Variants in RBM41 observed in about 807,000 individuals in gnomAD.
The protein encoded by RBM41 is RNA binding motif protein 41, also known as RNA-binding protein 41.
In RBM41, 14 loss-of-function variants were observed where a neutral mutation model predicts 30.8. That is an observed-to-expected ratio of 0.45 (90% CI 0.30 to 0.71). RBM41 has a LOEUF of 0.71. RBM41 is among the 30% of genes least tolerant of loss of function. The pLI, the probability that RBM41 is intolerant of heterozygous loss-of-function variation, is 0.08. For missense variants in RBM41, 276 were observed against 326.3 expected (o/e 0.85, Z 1.19); for synonymous variants, 120 against 110.1 (o/e 1.09, Z -0.56).
chrX:107,069,453 C>T (rs750441341), intron 6 of RBM41, 51 bp from the exon 7 acceptor site: 14 of 1,128,327 alleles, frequency 1.2e-5, no homozygotes, highest in Non-Finnish European at 1.6e-5. Flanking sequence ...AGGTAAGGCA[C>T]TCTTTGTTTT....
At chrX:107,072,976 C>G (rs1187179655) in intron 6 of RBM41, among the ~76,000 whole-genome samples, 1 of 110,784 alleles carries the variant, frequency 9.0e-6, no homozygotes, top group Non-Finnish European at 1.9e-5. Flanking sequence ...ATCTCTCATC[C>G]TATACAAAAA....
rs138515887 is a variant in RBM41, at chrX:107,096,995, A to G, written c.596-8156T>C. On this transcript the variant is annotated intron_variant, in intron 5 of 7. Coordinates refer to ENST00000685964, the MANE Select transcript of RBM41 (RefSeq NM_001324242.2). ...AGTATTCAAGATCATTTGTTATTAC[A>G]GAAATTCAAAATAAAACTGCAATGA... 4.1e-3 allele frequency among the ~76,000 whole-genome samples: 458 copies of G among 112,569 alleles called. 1 individual carries two copies. Among genetic ancestry groups the G allele is most frequent in the Middle Eastern group, 0.019 (4 of 216 alleles).
At chrX:107,073,359 T>C (rs567566245) in intron 6 of RBM41, among the ~76,000 whole-genome samples, 1 of 111,937 alleles carries the variant, frequency 8.9e-6, no homozygotes, top group Non-Finnish European at 1.9e-5. Context: ...AAAGAAGACA[T>C]ACAAATTGCC....
intron 5 of RBM41, among the ~76,000 whole-genome samples, chrX:107,111,676 T>C (rs1602616187): frequency 8.9e-6 from 1 of 111,820 alleles, no homozygotes; most frequent in South Asian, 3.7e-4. Flanking sequence ...AAATGTGCTA[T>C]ATACATACAA....
At chrX:107,088,979 T>G in intron 5 of RBM41, 140 bp from the exon 6 acceptor site, 1 of 871,940 alleles carries the variant, frequency 1.1e-6, no homozygotes, top group Non-Finnish European at 1.5e-6. Context: ...CAAATGACAA[T>G]GGTAAATAGT....
rs1935703952 is a variant in RBM41, at chrX:107,063,177, T to C, written c.*4350A>G. ...TTCATCAACCTCTAAAGAAACTTCA[T>C]ACACTTCAACTGTTACCCCCAGCCC... On this transcript the variant is annotated 3_prime_UTR_variant, in exon 8 of 8. Coordinates refer to ENST00000685964, the MANE Select transcript of RBM41 (RefSeq NM_001324242.2). Among the ~76,000 whole-genome samples the C allele has an allele frequency of 9.0e-6, 1 of 111,573 alleles. No individual in the cohort carries two copies.
chrX:107,057,561 A>G (rs1370847270), downstream of RBM41, among the ~76,000 whole-genome samples: 1 of 112,127 alleles, frequency 8.9e-6, no homozygotes, highest in African/African-American at 3.2e-5. Context: ...GGCCTAACGT[A>G]CAATCTGTCC....
chrX:107,105,318 G>C (rs1354723565), intron 5 of RBM41, among the ~76,000 whole-genome samples: 1 of 107,047 alleles, frequency 9.3e-6, no homozygotes, highest in African/African-American at 3.4e-5. Flanking sequence ...CAAGGGATGT[G>C]AAGGACCTCT....
At chrX:107,092,027 A>C (rs956206125) in intron 5 of RBM41, among the ~76,000 whole-genome samples, 1 of 112,043 alleles carries the variant, frequency 8.9e-6, no homozygotes, top group African/African-American at 3.2e-5. Context: ...TTTAAAATAG[A>C]TTCCCTGAAG....
At chrX:107,070,538 T>C in intron 6 of RBM41, 1 of 235,552 alleles carries the variant, frequency 4.2e-6, no homozygotes, top group East Asian at 1.2e-4. Context: ...ATTTGTGTGC[T>C]CAGAGATTCC....
intron 5 of RBM41, among the ~76,000 whole-genome samples, chrX:107,103,246 A>G (rs1416962562): frequency 9.0e-6 from 1 of 111,387 alleles, no homozygotes; most frequent in Non-Finnish European, 1.9e-5. Context: ...AAATATTTGG[A>G]AATAGGGTCT....
At chrX:107,085,737 T>C (rs184420550) in intron 6 of RBM41, among the ~76,000 whole-genome samples, 4,055 of 112,102 alleles carry the variant, frequency 0.036, 74 homozygotes, top group Middle Eastern at 0.055. Flanking sequence ...GTTATGTCTG[T>C]TTTTATAAAC....
chrX:107,056,556 T>C, the RBM41 span, among the ~76,000 whole-genome samples: 1 of 112,027 alleles, frequency 8.9e-6, no homozygotes, highest in African/African-American at 3.2e-5. Flanking sequence ...TGATTCAATC[T>C]CTTGTTATAA....
chrX:107,118,719 G>A, intron 1 of RBM41, 47 bp downstream of exon 1: 1 of 1,208,194 alleles, frequency 8.3e-7, no homozygotes. Flanking sequence ...AAAAGAAAAG[G>A]TAGAACAAAG....
intron 7 of RBM41, among the ~76,000 whole-genome samples, chrX:107,068,700 C>CTA (rs1935933034): frequency 9.0e-6 from 1 of 111,448 alleles, no homozygotes; most frequent in Non-Finnish European, 1.9e-5. Flanking sequence ...GGTACAGATC[C>CTA]TACAAAGCCT....
intron 7 of RBM41, among the ~76,000 whole-genome samples, chrX:107,067,904 C>G (rs1376588121): frequency 9.0e-6 from 1 of 111,308 alleles, no homozygotes; most frequent in African/African-American, 3.3e-5. Context: ...AACTCAAAAT[C>G]GGTGTTTGAG....
chrX:107,118,513 C>A (rs1167313722), intron 1 of RBM41, among the ~76,000 whole-genome samples: 2 of 110,968 alleles, frequency 1.8e-5, no homozygotes, highest in African/African-American at 6.6e-5. Flanking sequence ...CAGCACCCGG[C>A]CAGCTCCCGG....
At chrX:107,076,355 AT>A (rs1250165176) in intron 6 of RBM41, among the ~76,000 whole-genome samples, 13 of 107,110 alleles carry the variant, frequency 1.2e-4, no homozygotes, top group Middle Eastern at 4.8e-3. Flanking sequence ...AAATAAATAA[AT>A]AAATAAATAA....
At chrX:107,072,099 C>G (rs1024755031) in intron 6 of RBM41, among the ~76,000 whole-genome samples, 1 of 111,418 alleles carries the variant, frequency 9.0e-6, no homozygotes, top group Admixed American at 9.5e-5. Context: ...TCACTCTCAC[C>G]ACTCTTATTC....
Sources: allele counts gnomAD v4.1 joint callset (sites outside exome capture counted in the v4.1 genomes callset), GRCh38; gene constraint gnomAD v4.1.1; transcripts MANE v1.5; gene names NCBI Gene and HGNC (gene_info 2026-07-23, HGNC 2026-07-21).